ACTR3B: variants seen among roughly 807,000 people sequenced by gnomAD.
ACTR3B encodes actin related protein 3B.
A neutral mutation model predicts 59.0 loss-of-function variants in ACTR3B; 8 were observed. The observed-to-expected ratio is 0.14, with a 90% confidence interval of 0.08 to 0.24. ACTR3B has a LOEUF of 0.24. Ranked by LOEUF, ACTR3B falls within the 10% of genes least tolerant of loss-of-function variation. ACTR3B has a pLI of 1.00. For missense variants in ACTR3B, 245 were observed against 552.3 expected, an observed-to-expected ratio of 0.44 and a Z score of 5.58; for synonymous variants, 148 against 197.9, an observed-to-expected ratio of 0.75 and a Z score of 2.12.
In ACTR3B at chr7:152,824,868, T is replaced by A. The variant is rs3864523; in HGVS notation, c.859-162T>A. Among the ~76,000 whole-genome samples, 122,802 of 152,246 alleles carry A rather than the reference T, an allele frequency of 0.81. 49,873 individuals are homozygous for A. The highest frequency in any genetic ancestry group is 0.89 in the African/African-American group (37,134 of 41,554). Reference sequence around the variant, plus strand: ...AATGTGTCATCACCGCTCCACGCACTTGTAGTCACATGGGATTCATTTGAC... The same window carrying A: ...AATGTGTCATCACCGCTCCACGCACATGTAGTCACATGGGATTCATTTGAC... On this transcript the variant is annotated intron_variant, in intron 8 of 11. Transcript: ENST00000256001. The surrounding 1 kb of genome is among the most constrained non-coding windows in gnomAD (Gnocchi z 4.2).
chr7:152,797,357 G>A (rs60127368), intron 2 of ACTR3B, among the ~76,000 whole-genome samples: 4,061 of 152,092 alleles, frequency 0.027, 88 homozygotes, highest in African/African-American at 0.061. Flanking sequence ...CTGGGATTAC[G>A]TGCATGAGCC....
chr7:152,813,344 A>G (rs1011328573), intron 4 of ACTR3B: 24 of 150,230 alleles, frequency 1.6e-4, no homozygotes, highest in Admixed American at 4.0e-4. Context: ...TGACAAGGAA[A>G]AATGTTCATA....
intron 9 of ACTR3B, among the ~76,000 whole-genome samples, chr7:152,836,426 C>G (rs1797461580): frequency 6.6e-6 from 1 of 152,046 alleles, no homozygotes; most frequent in Admixed American, 6.6e-5. Flanking sequence ...GAGACCCCAT[C>G]TATCAAAAAA....
intron 4 of ACTR3B, among the ~76,000 whole-genome samples, chr7:152,807,959 A>T (rs573792681): frequency 5.9e-5 from 9 of 152,132 alleles, no homozygotes; most frequent in Non-Finnish European, 1.3e-4. Context: ...TTCACAAACC[A>T]TTGCCACCGT....
In ACTR3B at chr7:152,759,828, C is replaced by CGGCGACGGGGCGCTCTCGGGCT; in HGVS notation, c.-53_-32dup. ...CGGGGCTAGCGGGCGGCGGAGCGGA[C>CGGCGACGGGGCGCTCTCGGGCT]GGCGACGGGGCGCTCTCGGGCTGCC... On this transcript the variant is annotated 5_prime_UTR_variant, in exon 1 of 12. Transcript: ENST00000256001. The CGGCGACGGGGCGCTCTCGGGCT allele has an allele frequency of 2.5e-6, 3 of 1,189,846 alleles. No homozygotes were observed. In the African/African-American group the frequency reaches 4.8e-5, roughly 19 times the overall value. The allele number at this position is 1,189,846 out of a possible 1,614,324, so 73.7% of individuals were successfully genotyped here.
At chr7:152,847,474 C>T (rs1798442912) in intron 9 of ACTR3B, among the ~76,000 whole-genome samples, 1 of 152,212 alleles carries the variant, frequency 6.6e-6, no homozygotes, top group South Asian at 2.1e-4. Flanking sequence ...GCCTGAAGAT[C>T]AGGCAGCTGG....
At chr7:152,807,307 C>CT (rs1264063884) in intron 4 of ACTR3B, among the ~76,000 whole-genome samples, 29 of 151,968 alleles carry the variant, frequency 1.9e-4, no homozygotes, top group African/African-American at 7.0e-4. Context: ...TTCATTTAAT[C>CT]TTTTTACCCA....
rs759985489 is a variant in ACTR3B at position 152,823,509 on chromosome 7, C to T, written c.852C>T (p.His284=). The T allele has an allele frequency of 2.1e-5, 34 of 1,613,930 alleles. No individual in the cohort carries two copies. Among genetic ancestry groups the T allele is most frequent in the Non-Finnish European group, 2.7e-5 (32 of 1,179,988 alleles). ...TCCTGGGACCTGAAATATTCTTTCA[C>T]CCGGAGGTGAGATGTTTCCTTTTTT... The part of the protein sequence containing the change: ...ERFLGPEIFF[H]PEFANPDFME... Residue 284 remains histidine (H), a synonymous_variant, in exon 8 of 12, where the codon CAC becomes CAT. Transcript: ENST00000256001.
chr7:152,850,117 C>T (rs1034438276), intron 9 of ACTR3B, among the ~76,000 whole-genome samples: 10 of 150,672 alleles, frequency 6.6e-5, no homozygotes, highest in Non-Finnish European at 1.0e-4. Flanking sequence ...GGTCACTTCT[C>T]CAGGTAGAAG....
rs568670451 is a variant in ACTR3B at position 152,801,348 on chromosome 7, G to A, written c.226-273G>A. Among the ~76,000 whole-genome samples, 168 of 152,254 alleles carry A rather than the reference G, an allele frequency of 1.1e-3. 2 individuals are homozygous for A. Among genetic ancestry groups the A allele is most frequent in the African/African-American group, 3.9e-3 (161 of 41,544 alleles). Reference sequence around the variant, plus strand: ...TCCTGCCTTGGCCTCCCAAAGCGTTGGATTAGAGGCGTGAGCCACTGTGCC... The same window carrying A: ...TCCTGCCTTGGCCTCCCAAAGCGTTAGATTAGAGGCGTGAGCCACTGTGCC... On this transcript the variant is annotated intron_variant, in intron 3 of 11. Coordinates refer to ENST00000256001, the MANE Select transcript of ACTR3B (RefSeq NM_020445.6).
In ACTR3B at chr7:152,825,119, T is replaced by C. The variant is rs1303866397; in HGVS notation, c.948T>C (p.Tyr316=). ...CCATCGATGTGCGGCGCCCGCTGTA[T>C]AAGGTATGAGCTGCCTGGGTAAGGT... is the stretch of plus-strand genomic sequence containing the variant. The part of the protein sequence containing the change: ...NCPIDVRRPL[Y]KNVVLSGGST... The change falls in exon 9 of 12, where the codon TAT becomes TAC. Residue 316 remains tyrosine, a synonymous_variant. Transcript: ENST00000256001. 6.2e-7 allele frequency: 1 copy of C among 1,613,430 alleles called. No homozygotes were observed. The highest frequency in any genetic ancestry group is 1.3e-5 in the African/African-American group (1 of 74,924).
chr7:152,782,551 G>C (rs1421314903), intron 1 of ACTR3B, among the ~76,000 whole-genome samples: 3 of 152,104 alleles, frequency 2.0e-5, no homozygotes, highest in African/African-American at 4.8e-5. Flanking sequence ...CTTCTGAAAT[G>C]AGATGATAAA....
At chr7:152,762,600 A>G (rs889206328) in intron 1 of ACTR3B, among the ~76,000 whole-genome samples, 13 of 152,322 alleles carry the variant, frequency 8.5e-5, no homozygotes, top group South Asian at 6.2e-4. Flanking sequence ...TCACATTCCA[A>G]TCATCAAAAT....
intron 1 of ACTR3B, among the ~76,000 whole-genome samples, chr7:152,774,089 C>T (rs986160624): frequency 1.3e-5 from 2 of 152,136 alleles, no homozygotes; most frequent in Non-Finnish European, 2.9e-5. Flanking sequence ...GCTGTTGTCA[C>T]CTTTTCTTTT....
At chr7:152,837,689 A>C (rs1797576905) in intron 9 of ACTR3B, among the ~76,000 whole-genome samples, 1 of 152,250 alleles carries the variant, frequency 6.6e-6, no homozygotes, top group Non-Finnish European at 1.5e-5. Flanking sequence ...CAGACTCTCA[A>C]CCATGTCATT....
In ACTR3B at chr7:152,829,762, G is replaced by A. The variant is rs879117234; in HGVS notation, c.951+4640G>A. On this transcript the variant is annotated intron_variant, in intron 9 of 11. Coordinates refer to ENST00000256001, the MANE Select transcript of ACTR3B (RefSeq NM_020445.6). ...GACTCTAATGTGCTTCTAACTTGAGGACCGCCATCAGCGCCAGCCCACTCT... is the reference window on the plus strand; with the variant it reads ...GACTCTAATGTGCTTCTAACTTGAGAACCGCCATCAGCGCCAGCCCACTCT... Among the ~76,000 whole-genome samples, 126 of 152,242 alleles carry A rather than the reference G, an allele frequency of 8.3e-4. 1 individual carries two copies. The highest frequency in any genetic ancestry group is 2.1e-4 in the South Asian group (1 of 4,826).
At position 152,788,049 on chromosome 7, in the gene ACTR3B, C is replaced by T. The variant is rs191600295; in HGVS notation, c.100+4807C>T. 3.4e-3 allele frequency among the ~76,000 whole-genome samples: 511 copies of T among 152,008 alleles called. 4 individuals are homozygous for T. The highest frequency in any genetic ancestry group is 0.012 in the African/African-American group (491 of 41,438). On this transcript the variant is annotated intron_variant, in intron 2 of 11. Coordinates refer to ENST00000256001, the MANE Select transcript of ACTR3B (RefSeq NM_020445.6). ...AAATGATTCTCCTGCCTCAGCCTCC[C>T]GAGTAGCTGGAATTACAGGCACCCA... is the stretch of plus-strand genomic sequence containing the variant.
Position 152,775,665 on chromosome 7 carries a change from A to G in ACTR3B, c.45-7522A>G, listed in dbSNP as rs1233167020. 2.6e-5 allele frequency among the ~76,000 whole-genome samples: 4 copies of G among 152,054 alleles called. No homozygotes were observed. The East Asian group carries it at 7.7e-4, about 29-fold the overall frequency. Reference sequence around the variant, plus strand: ...TCCCAGCTACTCAGGAGGCTGAGGCAGGAGAATCGCTTGAACCCAGGAGGC... The same window carrying G: ...TCCCAGCTACTCAGGAGGCTGAGGCGGGAGAATCGCTTGAACCCAGGAGGC... On this transcript the variant is annotated intron_variant, in intron 1 of 11. Transcript: ENST00000256001.
At chr7:152,794,933 A>C (rs1331553968) in intron 2 of ACTR3B, among the ~76,000 whole-genome samples, 2 of 152,164 alleles carry the variant, frequency 1.3e-5, no homozygotes, top group East Asian at 3.8e-4. Context: ...CAATGAGAAA[A>C]GGAGGTGGGG....
Sources: gnomAD v4.1 joint callset for allele counts (sites outside exome capture counted in the v4.1 genomes callset) on GRCh38, gnomAD v4.1.1 for gene constraint, Gnocchi (gnomAD v3.1) non-coding constraint, MANE v1.5 for transcripts, NCBI Gene and HGNC (gene_info 2026-07-23, HGNC 2026-07-21) for gene names.